The following ROBO2 variants were observed in gnomAD, a reference collection of about 807,000 sequenced individuals.
ROBO2 encodes the protein roundabout guidance receptor 2, also known as roundabout homolog 2.
Under a neutral mutation model 160.8 loss-of-function variants are expected in ROBO2, and 53 were observed. That is an observed-to-expected ratio of 0.33 (90% CI 0.26 to 0.41). ROBO2 has a LOEUF of 0.41. Ranked by LOEUF, ROBO2 falls within the 10% of genes least tolerant of loss-of-function variation. The pLI is 1.00. For missense variants in ROBO2, 1,577 were observed against 1,722.4 expected (o/e 0.92, Z 1.49); for synonymous variants, 664 against 611.7 (o/e 1.09, Z -1.26).
chr3:75,948,796 C>G (rs1948426302), intron 2 of ROBO2, among the ~76,000 whole-genome samples: 1 of 152,076 alleles, frequency 6.6e-6, no homozygotes, highest in African/African-American at 2.4e-5. Context: ...ATTTGAATAT[C>G]CCATTTTCAT....
intron 5 of ROBO2, among the ~76,000 whole-genome samples, chr3:77,517,422 A>G (rs9839344): frequency 0.79 from 120,026 of 151,366 alleles, 48,326 homozygotes; most frequent in African/African-American, 0.93. Flanking sequence ...GGCAAGGACC[A>G]GATTATCTAA....
At chr3:76,173,245 T>C (rs1050746081) in intron 2 of ROBO2, among the ~76,000 whole-genome samples, 43 of 151,928 alleles carry the variant, frequency 2.8e-4, no homozygotes, top group African/African-American at 1.0e-3. Flanking sequence ...TGTGTATATA[T>C]GTGTATATGT....
At chr3:76,323,058 C>T (rs1438477807) in intron 2 of ROBO2, among the ~76,000 whole-genome samples, 3 of 151,678 alleles carry the variant, frequency 2.0e-5, no homozygotes, top group South Asian at 4.2e-4. Context: ...TGCAAAGTAA[C>T]TAGCAGTGTA....
intron 2 of ROBO2, among the ~76,000 whole-genome samples, chr3:76,814,340 A>T (rs2065477855): frequency 6.6e-6 from 1 of 152,138 alleles, no homozygotes; most frequent in South Asian, 2.1e-4. Flanking sequence ...AACTGAAACT[A>T]AGAGTTACAA....
chr3:75,991,591 T>C (rs953697022), intron 2 of ROBO2, among the ~76,000 whole-genome samples: 1 of 152,122 alleles, frequency 6.6e-6, no homozygotes, highest in Admixed American at 6.5e-5. Flanking sequence ...CAGGTATGTC[T>C]TTATGAGCAG....
intron 17 of ROBO2, among the ~76,000 whole-genome samples, chr3:77,590,835 A>G (rs1265812620): frequency 6.6e-6 from 1 of 152,086 alleles, no homozygotes; most frequent in African/African-American, 2.4e-5. Context: ...ATGCACTTAA[A>G]TTGAAAATAT....
chr3:76,062,335 A>T (rs902057142), intron 2 of ROBO2, among the ~76,000 whole-genome samples: 7 of 151,130 alleles, frequency 4.6e-5, no homozygotes, highest in African/African-American at 7.3e-5. Context: ...TTGAAACACA[A>T]TTTTTTTTTT....
chr3:76,617,501 G>C (rs2088687516), intron 2 of ROBO2, among the ~76,000 whole-genome samples: 2 of 152,106 alleles, frequency 1.3e-5, no homozygotes, highest in Admixed American at 1.3e-4. Context: ...ATGGTATTAA[G>C]AGATAGTTCA....
At chr3:75,932,994 T>G (rs191382824) in intron 1 of ROBO2, among the ~76,000 whole-genome samples, 4 of 152,280 alleles carry the variant, frequency 2.6e-5, no homozygotes, top group Middle Eastern at 3.4e-3. Flanking sequence ...ACACAAGACT[T>G]TGGACATCAC....
At chr3:77,572,867 A>G (rs1424403563) in intron 13 of ROBO2, among the ~76,000 whole-genome samples, 1 of 152,106 alleles carries the variant, frequency 6.6e-6, no homozygotes, top group African/African-American at 2.4e-5. Context: ...ACATGAAAGA[A>G]TACGTTTTGT....
intron 2 of ROBO2, among the ~76,000 whole-genome samples, chr3:76,614,317 A>G (rs959768271): frequency 2.6e-5 from 4 of 152,132 alleles, no homozygotes; most frequent in Non-Finnish European, 5.9e-5. Context: ...TAGAAATAAT[A>G]TCAAATCGAG....
intron 2 of ROBO2, among the ~76,000 whole-genome samples, chr3:76,492,843 T>C (rs1261410083): frequency 1.3e-5 from 2 of 152,190 alleles, no homozygotes; most frequent in African/African-American, 4.8e-5. Context: ...TCATATTTTA[T>C]AGTAACATTC....
At chr3:77,020,315 A>G (rs535399818) in intron 2 of ROBO2, among the ~76,000 whole-genome samples, 6 of 152,350 alleles carry the variant, frequency 3.9e-5, no homozygotes, top group African/African-American at 1.4e-4. Flanking sequence ...AACTTTTTAT[A>G]TATAAAAGCA....
chr3:77,488,324 C>T (rs991658208), intron 4 of ROBO2, among the ~76,000 whole-genome samples: 3 of 152,168 alleles, frequency 2.0e-5, no homozygotes, highest in Non-Finnish European at 4.4e-5. Flanking sequence ...TCTGATCACT[C>T]TGCAGTTATA....
chr3:76,905,138 G>A (rs1445525438), intron 2 of ROBO2, among the ~76,000 whole-genome samples: 1 of 152,138 alleles, frequency 6.6e-6, no homozygotes, highest in Non-Finnish European at 1.5e-5. Flanking sequence ...ATATGGGTTA[G>A]ATAAACGAGT....
intron 2 of ROBO2, among the ~76,000 whole-genome samples, chr3:77,015,762 G>T (rs72902085): frequency 0.053 from 8,126 of 152,116 alleles, 250 homozygotes; most frequent in Middle Eastern, 0.092. Context: ...ACAGTTACCT[G>T]CCCCAGCCCC....
At chr3:76,973,312 C>T (rs1182576424) in intron 2 of ROBO2, among the ~76,000 whole-genome samples, 1 of 152,206 alleles carries the variant, frequency 6.6e-6, no homozygotes, top group Non-Finnish European at 1.5e-5. Flanking sequence ...TGAAAATTAT[C>T]ACTTTACCTA....
At chr3:76,686,072 C>A (rs957095719) in intron 2 of ROBO2, among the ~76,000 whole-genome samples, 2 of 152,048 alleles carry the variant, frequency 1.3e-5, no homozygotes, top group Admixed American at 6.6e-5. Flanking sequence ...TGAAAGCATG[C>A]GATAGCCATC....
At chr3:76,412,351 T>G (rs2075534596) in intron 2 of ROBO2, among the ~76,000 whole-genome samples, 1 of 152,074 alleles carries the variant, frequency 6.6e-6, no homozygotes, top group South Asian at 2.1e-4. Context: ...CCTCCAAATC[T>G]CATGTCCTCA....
Sources: gnomAD v4.1 joint callset for allele counts (sites outside exome capture counted in the v4.1 genomes callset) on GRCh38, gnomAD v4.1.1 for gene constraint, MANE v1.5 for transcripts, NCBI Gene and HGNC (gene_info 2026-07-23, HGNC 2026-07-21) for gene names.